Variants in MIPOL1 observed in about 807,000 individuals in gnomAD.
MIPOL1 encodes mirror-image polydactyly gene 1 protein.
Under a neutral mutation model 60.9 loss-of-function variants are expected in MIPOL1, and 57 were observed. That is an observed-to-expected ratio of 0.94 (90% CI 0.76 to 1.17). The LOEUF is 1.17. MIPOL1 is among the 50% of genes most tolerant of loss of function. The pLI is 0.00. For missense variants in MIPOL1, 551 were observed against 511.6 expected (o/e 1.08, Z -0.74); for synonymous variants, 179 against 168.8 (o/e 1.06, Z -0.47).
intron 11 of MIPOL1, among the ~76,000 whole-genome samples, chr14:37,423,150 A>G (rs1168822936): frequency 6.6e-6 from 1 of 151,818 alleles, no homozygotes; most frequent in Non-Finnish European, 1.5e-5. Flanking sequence ...GTAAAGTTTA[A>G]ATTTCCACTT....
intron 12 of MIPOL1, among the ~76,000 whole-genome samples, chr14:37,536,025 C>G (rs569489338): frequency 6.6e-6 from 1 of 152,268 alleles, no homozygotes; most frequent in South Asian, 2.1e-4. Flanking sequence ...CAACCTCGGC[C>G]TTCCTAGTAT....
intron 1 of MIPOL1, among the ~76,000 whole-genome samples, chr14:37,214,865 G>A (rs1392619213): frequency 3.3e-5 from 5 of 152,068 alleles, no homozygotes; most frequent in African/African-American, 1.2e-4. Flanking sequence ...CTACTTAGCA[G>A]ACTGGGAAAG....
In MIPOL1 at chr14:37,551,247, A is replaced by T. The variant is rs1022861266; in HGVS notation, c.*4276A>T. On this transcript the variant is annotated 3_prime_UTR_variant, in exon 13 of 13. Transcript: ENST00000684589. ...ACTTTGTACTCAAATAAAATCCCCT[A>T]TTGCAAATCCTATACATATTTCAAT... 1 of 152,112 alleles carries T rather than the reference A, an allele frequency of 6.6e-6. No homozygotes were observed. Among genetic ancestry groups the T allele is most frequent in the African/African-American group, 2.4e-5 (1 of 41,434 alleles). The allele number at this position is 152,112 out of a possible 1,614,324, so 9.4% of individuals were successfully genotyped here.
At chr14:37,456,054 A>G (rs201401986) in intron 11 of MIPOL1, among the ~76,000 whole-genome samples, 2 of 151,958 alleles carry the variant, frequency 1.3e-5, no homozygotes, top group South Asian at 2.1e-4. Context: ...GCGTTATTGT[A>G]GAATCCTTGG....
intron 12 of MIPOL1, among the ~76,000 whole-genome samples, chr14:37,534,307 A>G (rs1254663499): frequency 6.6e-6 from 1 of 152,198 alleles, no homozygotes; most frequent in Non-Finnish European, 1.5e-5. Context: ...TTCTTTTTAG[A>G]TAACTGCTCT....
chr14:37,364,460 C>T (rs569290462), intron 9 of MIPOL1, among the ~76,000 whole-genome samples: 1 of 152,224 alleles, frequency 6.6e-6, no homozygotes, highest in Non-Finnish European at 1.5e-5. Flanking sequence ...TCCAGTTTTC[C>T]CAGCACCATT....
intron 1 of MIPOL1, among the ~76,000 whole-genome samples, chr14:37,227,125 A>G (rs976458707): frequency 6.6e-6 from 1 of 152,186 alleles, no homozygotes; most frequent in African/African-American, 2.4e-5. Context: ...ACACAAATTT[A>G]TTATCTTACG....
At chr14:37,293,863 T>C (rs1270648259) in intron 7 of MIPOL1, among the ~76,000 whole-genome samples, 2 of 152,226 alleles carry the variant, frequency 1.3e-5, no homozygotes, top group East Asian at 3.9e-4. Context: ...TTCCTGCCTC[T>C]GTAGGCTCCA....
chr14:37,395,245 C>G (rs2093349079), intron 10 of MIPOL1, among the ~76,000 whole-genome samples: 1 of 151,994 alleles, frequency 6.6e-6, no homozygotes, highest in South Asian at 2.1e-4. Flanking sequence ...TTTTTTGGTT[C>G]CATGTGAATT....
intron 3 of MIPOL1, among the ~76,000 whole-genome samples, chr14:37,256,443 G>T (rs1209146358): frequency 6.6e-6 from 1 of 151,872 alleles, no homozygotes; most frequent in Non-Finnish European, 1.5e-5. Flanking sequence ...GTTATAATTT[G>T]AAAGAATTTC....
chr14:37,263,807 G>A (rs75208461), intron 3 of MIPOL1, among the ~76,000 whole-genome samples: 31 of 152,288 alleles, frequency 2.0e-4, no homozygotes, highest in Middle Eastern at 3.4e-3. Context: ...GAGAGTTTCC[G>A]TTTCAAACCA....
At chr14:37,480,684 A>C (rs113739881) in intron 11 of MIPOL1, among the ~76,000 whole-genome samples, 3,213 of 152,232 alleles carry the variant, frequency 0.021, 100 homozygotes, top group African/African-American at 0.072. Flanking sequence ...TCTTTTCCAC[A>C]TAGTACTGGA....
intron 1 of MIPOL1, among the ~76,000 whole-genome samples, chr14:37,211,621 AC>A (rs1475260533): frequency 6.6e-6 from 1 of 152,030 alleles, no homozygotes; most frequent in East Asian, 1.9e-4. Flanking sequence ...CTCCATATAA[AC>A]TTGAAAGGTA....
At chr14:37,459,919 A>G (rs1371156190) in intron 11 of MIPOL1, among the ~76,000 whole-genome samples, 1 of 152,066 alleles carries the variant, frequency 6.6e-6, no homozygotes, top group Admixed American at 6.6e-5. Context: ...TACTAAAAAT[A>G]CAAAAATTAG....
intron 12 of MIPOL1, among the ~76,000 whole-genome samples, chr14:37,511,664 A>G (rs976490719): frequency 6.6e-6 from 1 of 152,188 alleles, no homozygotes; most frequent in South Asian, 2.1e-4. Flanking sequence ...AAGGACTTTT[A>G]AAAATACATT....
At chr14:37,293,072 A>G (rs1444525990) in intron 7 of MIPOL1, among the ~76,000 whole-genome samples, 2 of 152,166 alleles carry the variant, frequency 1.3e-5, no homozygotes, top group Non-Finnish European at 2.9e-5. Flanking sequence ...TTGTAGTAAA[A>G]CATAGCCAGC....
At chr14:37,359,566 T>G (rs9743780) in intron 9 of MIPOL1, among the ~76,000 whole-genome samples, 147,131 of 151,888 alleles carry the variant, frequency 0.97, 71,338 homozygotes, top group East Asian at 1. Context: ...TTGTAAGTTG[T>G]ATTCCTAGGT....
intron 9 of MIPOL1, among the ~76,000 whole-genome samples, chr14:37,340,615 CTTGAGCCAAGGAGA>C (rs1355192963): frequency 6.6e-6 from 1 of 151,164 alleles, no homozygotes; most frequent in East Asian, 2.0e-4. Flanking sequence ...TCGGGAGGAG[CTTGAGCCAAGGAGA>C]TTGAGGCTGC....
chr14:37,522,071 A>G (rs188161349), intron 12 of MIPOL1, among the ~76,000 whole-genome samples: 1 of 150,834 alleles, frequency 6.6e-6, no homozygotes, highest in African/African-American at 2.5e-5. Context: ...TCAATTTAAC[A>G]CATTTTATTG....
Sources: allele counts gnomAD v4.1 joint callset (sites outside exome capture counted in the v4.1 genomes callset), GRCh38; gene constraint gnomAD v4.1.1; transcripts MANE v1.5; gene names NCBI Gene and HGNC (gene_info 2026-07-23, HGNC 2026-07-21).